SORCS2: variants seen among roughly 807,000 people sequenced by gnomAD.
SORCS2 encodes sortilin related VPS10 domain containing receptor 2.
Under a neutral mutation model 141.6 loss-of-function variants are expected in SORCS2, and 100 were observed. That is an observed-to-expected ratio of 0.71 (90% CI 0.60 to 0.83). The LOEUF (loss-of-function observed/expected upper bound fraction) is 0.83, where lower values mean the gene tolerates loss of function less well. SORCS2 is among the 40% of genes least tolerant of loss of function. The pLI is 0.00. For synonymous variants in SORCS2, 789 were observed against 676.9 expected (o/e 1.17, Z -2.57); for missense variants, 1,646 against 1,560.2 (o/e 1.05, Z -0.93).
intron 3 of SORCS2, among the ~76,000 whole-genome samples, chr4:7,588,378 G>C (rs17367999): frequency 0.1 from 15,154 of 152,222 alleles, 907 homozygotes; most frequent in East Asian, 0.16. Flanking sequence ...GCCTCTGGTA[G>C]GTGTCCTCTT....
intron 1 of SORCS2, among the ~76,000 whole-genome samples, chr4:7,367,081 C>T (rs1038180991): frequency 5.3e-5 from 8 of 152,198 alleles, no homozygotes; most frequent in Non-Finnish European, 8.8e-5. Flanking sequence ...TGGGTCTCCT[C>T]GGAGTACAAG....
chr4:7,689,397 C>G (rs1724071588), intron 10 of SORCS2, 89 bp from the exon 11 acceptor site: 2 of 1,290,184 alleles, frequency 1.6e-6, no homozygotes, highest in African/African-American at 2.9e-5. Context: ...TCCCAAAAAG[C>G]CACAGGGGCA....
At chr4:7,278,054 A>C (rs1366859234) in intron 1 of SORCS2, among the ~76,000 whole-genome samples, 1 of 152,212 alleles carries the variant, frequency 6.6e-6, no homozygotes, top group Non-Finnish European at 1.5e-5. Flanking sequence ...TGAGGCACAG[A>C]GAGGCTCAGC....
chr4:7,382,090 G>A, intron 1 of SORCS2: 4 of 557,746 alleles, frequency 7.2e-6, no homozygotes, highest in Non-Finnish European at 9.1e-6. Flanking sequence ...AAGGCCTCCA[G>A]AAGGACCTTG....
chr4:7,460,894 C>T (rs138458853), intron 2 of SORCS2, among the ~76,000 whole-genome samples: 221 of 152,274 alleles, frequency 1.5e-3, no homozygotes, highest in African/African-American at 5.1e-3. Context: ...CGGCCAAGCT[C>T]GCAGCTTGAA....
intron 2 of SORCS2, among the ~76,000 whole-genome samples, chr4:7,505,412 C>T (rs1732218636): frequency 6.6e-6 from 1 of 152,008 alleles, no homozygotes; most frequent in South Asian, 2.1e-4. Context: ...CACAGAGACA[C>T]CTCAGTCCCC....
At chr4:7,633,812 AC>A (rs1273863346) in intron 3 of SORCS2, among the ~76,000 whole-genome samples, 7 of 59,546 alleles carry the variant, frequency 1.2e-4, no homozygotes, top group Admixed American at 2.2e-4. Context: ...GGCGGGATTA[AC>A]GGCCAGCTCC....
intron 23 of SORCS2, among the ~76,000 whole-genome samples, chr4:7,730,743 G>A (rs1348340743): frequency 6.6e-6 from 1 of 152,238 alleles, no homozygotes; most frequent in African/African-American, 2.4e-5. Flanking sequence ...GAGGGCGCAT[G>A]GCGAGTGACT....
At chr4:7,331,550 G>C (rs1240944774) in intron 1 of SORCS2, among the ~76,000 whole-genome samples, 2 of 152,142 alleles carry the variant, frequency 1.3e-5, no homozygotes, top group Non-Finnish European at 2.9e-5. Context: ...TTTAGAGTCA[G>C]AGCAAGTGAG....
chr4:7,290,421 G>A (rs1716526188), intron 1 of SORCS2, among the ~76,000 whole-genome samples: 1 of 152,162 alleles, frequency 6.6e-6, no homozygotes, highest in Admixed American at 6.5e-5. Context: ...CAGACCCAGG[G>A]TCTTCTGGTG....
chr4:7,533,706 G>A (rs746006087), intron 3 of SORCS2, among the ~76,000 whole-genome samples: 2 of 152,256 alleles, frequency 1.3e-5, no homozygotes, highest in African/African-American at 4.8e-5. Flanking sequence ...CCTGAGGTCA[G>A]GCAAGGTGTC....
At chr4:7,289,400 C>G (rs1032183657) in intron 1 of SORCS2, among the ~76,000 whole-genome samples, 4 of 152,194 alleles carry the variant, frequency 2.6e-5, no homozygotes, top group African/African-American at 9.6e-5. Context: ...CCCTTGCAGG[C>G]AAGGCCCGGC....
At chr4:7,710,017 T>C (rs1014887826) in intron 14 of SORCS2, among the ~76,000 whole-genome samples, 1 of 152,222 alleles carries the variant, frequency 6.6e-6, no homozygotes, top group African/African-American at 2.4e-5. Context: ...ATGGCAGCTC[T>C]TTCTCATGGT....
intron 2 of SORCS2, among the ~76,000 whole-genome samples, chr4:7,435,157 G>A (rs1323022056): frequency 2.0e-5 from 3 of 152,100 alleles, no homozygotes; most frequent in Non-Finnish European, 4.4e-5. Context: ...CGGCTCCTAG[G>A]AAGCCCTCCT....
chr4:7,232,779 GA>G (rs1711989358), intron 1 of SORCS2, among the ~76,000 whole-genome samples: 1 of 152,192 alleles, frequency 6.6e-6, no homozygotes, highest in African/African-American at 2.4e-5. Flanking sequence ...CCACTCTGTG[GA>G]CAGGGATGCC....
chr4:7,238,383 A>G (rs571521527), intron 1 of SORCS2, among the ~76,000 whole-genome samples: 3 of 152,222 alleles, frequency 2.0e-5, no homozygotes, highest in South Asian at 4.2e-4. Context: ...GGCTGTTGTT[A>G]AATTTTTTTT....
At chr4:7,715,435 G>A (rs950192983) in intron 17 of SORCS2, 124 bp downstream of exon 17, 1 of 1,425,182 alleles carries the variant, frequency 7.0e-7, no homozygotes, top group African/African-American at 1.4e-5. Context: ...CGGGGAAAGA[G>A]AGGTCAAAGT....
At chr4:7,390,738 C>T (rs1466681591) in intron 1 of SORCS2, among the ~76,000 whole-genome samples, 2 of 152,160 alleles carry the variant, frequency 1.3e-5, no homozygotes, top group Non-Finnish European at 2.9e-5. Context: ...GACCTCGTTC[C>T]TGGTGGATGC....
intron 1 of SORCS2, among the ~76,000 whole-genome samples, chr4:7,352,280 C>A (rs955846889): frequency 1.3e-5 from 2 of 152,160 alleles, no homozygotes; most frequent in African/African-American, 4.8e-5. Flanking sequence ...AGGTGCCTGG[C>A]GTATTGTAGG....
Sources: gnomAD v4.1 joint callset for allele counts (sites outside exome capture counted in the v4.1 genomes callset) on GRCh38, gnomAD v4.1.1 for gene constraint, MANE v1.5 for transcripts, NCBI Gene and HGNC (gene_info 2026-07-23, HGNC 2026-07-21) for gene names.